Variants in HSF2BP observed in about 807,000 individuals in gnomAD.
The protein encoded by HSF2BP is heat shock transcription factor 2 binding protein.
Under a neutral mutation model 35.0 loss-of-function variants are expected in HSF2BP, and 35 were observed. The ratio of observed to expected loss-of-function variants is 1.00; its 90% CI spans 0.76 to 1.32. The LOEUF is 1.32. HSF2BP is among the 40% of genes most tolerant of loss of function. HSF2BP has a pLI of 0.00. For synonymous variants in HSF2BP, 114 were observed against 117.4 expected, an observed-to-expected ratio of 0.97 and a Z score of 0.18; for missense variants, 326 against 321.7, an observed-to-expected ratio of 1.01 and a Z score of -0.10.
intron 7 of HSF2BP, among the ~76,000 whole-genome samples, chr21:43,595,103 A>G (rs959276475): frequency 1.3e-5 from 2 of 152,144 alleles, no homozygotes; most frequent in Middle Eastern, 3.2e-3. Context: ...TCTGCTGAAA[A>G]TATTAAAAAA....
intron 4 of HSF2BP, among the ~76,000 whole-genome samples, chr21:43,642,075 T>C (rs113845490): frequency 0.025 from 3,769 of 152,224 alleles, 50 homozygotes; most frequent in Middle Eastern, 0.065. Context: ...AGCAGGAGGA[T>C]CACTTGAGCC....
chr21:43,594,483 CATT>C (rs2081961798), intron 7 of HSF2BP, among the ~76,000 whole-genome samples: 1 of 152,154 alleles, frequency 6.6e-6, no homozygotes. Flanking sequence ...GTGAGAAAGA[CATT>C]AATTACTTTC....
chr21:43,592,109 G>A, intron 8 of HSF2BP, 116 bp downstream of exon 8: 1 of 658,716 alleles, frequency 1.5e-6, no homozygotes, highest in South Asian at 1.9e-5. Context: ...GAGAGGATTT[G>A]GTGCTATCTC....
intron 6 of HSF2BP, among the ~76,000 whole-genome samples, chr21:43,622,920 A>G (rs1442283920): frequency 6.6e-6 from 1 of 152,104 alleles, no homozygotes; most frequent in Non-Finnish European, 1.5e-5. Flanking sequence ...AACATCTTAT[A>G]CCACAAAACA....
intron 5 of HSF2BP, among the ~76,000 whole-genome samples, chr21:43,633,013 C>T (rs1601701211): frequency 6.6e-6 from 1 of 152,116 alleles, no homozygotes; most frequent in Admixed American, 6.6e-5. Context: ...TTCTTAAACA[C>T]ATGTAAAGTA....
intron 6 of HSF2BP, among the ~76,000 whole-genome samples, chr21:43,624,495 G>T (rs572588063): frequency 6.6e-6 from 1 of 152,128 alleles, no homozygotes; most frequent in Non-Finnish European, 1.5e-5. Context: ...TTTTCTGCAC[G>T]CCACACTGCC....
intron 7 of HSF2BP, among the ~76,000 whole-genome samples, chr21:43,606,350 G>T (rs1205054776): frequency 6.6e-6 from 1 of 152,190 alleles, no homozygotes; most frequent in Non-Finnish European, 1.5e-5. Flanking sequence ...ATCCAAGGTT[G>T]AAAGCATCAG....
intron 8 of HSF2BP, among the ~76,000 whole-genome samples, chr21:43,587,403 C>T (rs980415157): frequency 2.0e-5 from 3 of 151,780 alleles, no homozygotes; most frequent in Admixed American, 6.6e-5. Flanking sequence ...CGGTAGCTTA[C>T]GCCTATAATC....
At position 43,630,327 on chromosome 21, in the gene HSF2BP, A is replaced by T. The variant is rs2082438989; in HGVS notation, c.569T>A (p.Val190Asp). ...SQFVFALAGI[V>D]TNVAAIACGR... ...TCAGGTGCGCCTGCACTTACTCGTG[A>T]CAATTCCAGCCAGAGCGAAAACAAA... Residue 190 changes from valine (V) to aspartate (D), a missense_variant, in exon 6 of 9, where the codon GTC (valine) becomes GAC (aspartate). Coordinates refer to ENST00000291560, the MANE Select transcript of HSF2BP (RefSeq NM_007031.2). 1 of 1,611,640 alleles carries T rather than the reference A, an allele frequency of 6.2e-7. No individual in the cohort carries two copies. Among genetic ancestry groups the T allele is most frequent in the African/African-American group, 1.3e-5 (1 of 74,826 alleles).
At chr21:43,593,443 T>A (rs1601634323) in intron 7 of HSF2BP, among the ~76,000 whole-genome samples, 4 of 151,994 alleles carry the variant, frequency 2.6e-5, no homozygotes, top group Admixed American at 2.0e-4. Context: ...AAAATCATAA[T>A]ATGACGCATG....
At chr21:43,636,799 G>C (rs376666421) in intron 4 of HSF2BP, among the ~76,000 whole-genome samples, 1 of 148,100 alleles carries the variant, frequency 6.8e-6, no homozygotes, top group Non-Finnish European at 1.5e-5. Flanking sequence ...GGCTGAGGCA[G>C]AAGAATTGCT....
At chr21:43,647,004 G>T (rs1443943820) in intron 3 of HSF2BP, among the ~76,000 whole-genome samples, 1 of 152,110 alleles carries the variant, frequency 6.6e-6, no homozygotes, top group African/African-American at 2.4e-5. Context: ...GAATATAGTA[G>T]GCAATACATA....
chr21:43,613,274 A>G (rs1227868376), intron 7 of HSF2BP, among the ~76,000 whole-genome samples: 1 of 152,226 alleles, frequency 6.6e-6, no homozygotes, highest in Non-Finnish European at 1.5e-5. Context: ...CTGACCAGCC[A>G]GCTGGGAAAC....
chr21:43,616,254 C>A (rs1317942241), intron 6 of HSF2BP, among the ~76,000 whole-genome samples: 2 of 152,236 alleles, frequency 1.3e-5, no homozygotes, highest in East Asian at 1.9e-4. Context: ...TTAAGATTTC[C>A]ACTTTGGTCT....
At chr21:43,637,754 T>C (rs1345069219) in intron 4 of HSF2BP, among the ~76,000 whole-genome samples, 2 of 151,718 alleles carry the variant, frequency 1.3e-5, no homozygotes, top group African/African-American at 4.8e-5. Context: ...GCAGTGAGCT[T>C]TGATCACACT....
chr21:43,592,363 C>T, intron 7 of HSF2BP, 35 bp from the exon 8 acceptor site: 1 of 1,358,588 alleles, frequency 7.4e-7, no homozygotes, highest in South Asian at 1.2e-5. Context: ...TGGAATGCTC[C>T]ATCCACACTA....
At chr21:43,596,556 G>A (rs1332141687) in intron 7 of HSF2BP, among the ~76,000 whole-genome samples, 3 of 152,072 alleles carry the variant, frequency 2.0e-5, no homozygotes, top group East Asian at 3.8e-4. Context: ...CCAAAGGCAG[G>A]CAGAAACTGA....
At chr21:43,638,528 C>T (rs1269658825) in intron 4 of HSF2BP, among the ~76,000 whole-genome samples, 2 of 152,112 alleles carry the variant, frequency 1.3e-5, no homozygotes, top group Non-Finnish European at 2.9e-5. Context: ...TTTACGGTTA[C>T]TCCAAATAAA....
At chr21:43,636,195 GAAAAAAAAGAAAGA>G (rs2082551850) in intron 4 of HSF2BP, among the ~76,000 whole-genome samples, 1 of 95,408 alleles carries the variant, frequency 1.0e-5, no homozygotes, top group Non-Finnish European at 2.1e-5. Context: ...TCTCAAGAAA[GAAAAAAAAGAAAGA>G]AAAGAAAAGA....
Sources: gnomAD v4.1 joint callset for allele counts (sites outside exome capture counted in the v4.1 genomes callset) on GRCh38, gnomAD v4.1.1 for gene constraint, MANE v1.5 for transcripts, NCBI Gene and HGNC (gene_info 2026-07-23, HGNC 2026-07-21) for gene names.